Variants in RBFOX1 observed in about 807,000 individuals in gnomAD.
The protein encoded by RBFOX1 is RNA binding protein fox-1 homolog 1.
In RBFOX1, 8 loss-of-function variants were observed where a neutral mutation model predicts 57.7. That is an observed-to-expected ratio of 0.14 (90% CI 0.08 to 0.25). The LOEUF is 0.25. Ranked by LOEUF, RBFOX1 falls within the 10% of genes least tolerant of loss-of-function variation. RBFOX1 has a pLI of 1.00. For synonymous variants in RBFOX1, 326 were observed against 222.4 expected (o/e 1.47, Z -4.15); for missense variants, 611 against 548.5 (o/e 1.11, Z -1.14).
At chr16:7,118,879 G>A (rs2066494525) in intron 4 of RBFOX1, among the ~76,000 whole-genome samples, 1 of 152,126 alleles carries the variant, frequency 6.6e-6, no homozygotes, top group Admixed American at 6.6e-5. Flanking sequence ...TAGAGAACTT[G>A]CTCAGATCTC....
chr16:6,091,426 A>G (rs1392931327), intron 1 of RBFOX1, among the ~76,000 whole-genome samples: 1 of 151,644 alleles, frequency 6.6e-6, no homozygotes, highest in Non-Finnish European at 1.5e-5. Context: ...CAGATTTTTA[A>G]CTCCTTTACA....
At chr16:5,696,553 C>G (rs898370176) in intron 3 of RBFOX1, among the ~76,000 whole-genome samples, 3 of 152,252 alleles carry the variant, frequency 2.0e-5, no homozygotes, top group South Asian at 2.1e-4. Context: ...TCAAATTTAC[C>G]GCATATTTCT....
chr16:7,491,934 C>G (rs571625227), intron 4 of RBFOX1, among the ~76,000 whole-genome samples: 6 of 152,290 alleles, frequency 3.9e-5, no homozygotes, highest in African/African-American at 1.4e-4. Context: ...CCGTGTGTTC[C>G]TTTTTTGTCA....
At chr16:5,914,010 T>G (rs1379378980) in intron 4 of RBFOX1, among the ~76,000 whole-genome samples, 1 of 152,198 alleles carries the variant, frequency 6.6e-6, no homozygotes, top group Non-Finnish European at 1.5e-5. Context: ...ACTTGCAGTT[T>G]GCAGGATCAA....
intron 3 of RBFOX1, among the ~76,000 whole-genome samples, chr16:6,957,638 CT>C (rs1568078755): frequency 1.3e-5 from 2 of 152,070 alleles, no homozygotes; most frequent in East Asian, 3.9e-4. Flanking sequence ...TGACCCGTAT[CT>C]TGTGCCGACA....
At chr16:6,546,716 A>T (rs919131927) in intron 2 of RBFOX1, among the ~76,000 whole-genome samples, 2 of 152,172 alleles carry the variant, frequency 1.3e-5, no homozygotes. Flanking sequence ...ATTACCAGGT[A>T]CCTGAGGTTA....
At chr16:5,513,218 C>T (rs1009599939) in intron 2 of RBFOX1, among the ~76,000 whole-genome samples, 1 of 152,148 alleles carries the variant, frequency 6.6e-6, no homozygotes. Flanking sequence ...GGCTACTTTC[C>T]TTGTTTTTAA....
chr16:7,156,907 G>T lies in RBFOX1; in HGVS notation c.27+104809G>T, dbSNP rs183534731. ...TTTGCCCTCCAAGAAAGTTTTATCCGTTTACATTCCTATAATATATGTGAT... is the reference window on the plus strand; with the variant it reads ...TTTGCCCTCCAAGAAAGTTTTATCCTTTTACATTCCTATAATATATGTGAT... On this transcript the variant is annotated intron_variant, in intron 4 of 15. Coordinates refer to ENST00000550418, the MANE Select transcript of RBFOX1 (RefSeq NM_018723.4). Among the ~76,000 whole-genome samples the T allele has an allele frequency of 1.6e-3, 249 of 152,060 alleles. 1 individual carries two copies. Among genetic ancestry groups the T allele is most frequent in the African/African-American group, 5.7e-3 (238 of 41,488 alleles).
chr16:5,243,047 G>C (rs1324372438), intron 1 of RBFOX1, among the ~76,000 whole-genome samples: 1 of 151,682 alleles, frequency 6.6e-6, no homozygotes, highest in Non-Finnish European at 1.5e-5. Flanking sequence ...AGTTTCACTG[G>C]CTTCTTGTGT....
At position 5,361,556 on chromosome 16, in the gene RBFOX1, C is replaced by T. The variant is rs1467064108; in HGVS notation, c.220-105660C>T. On this transcript the variant is annotated intron_variant, in intron 1 of 2. Coordinates refer to the RBFOX1 transcript ENST00000585867. Reference sequence around the variant, plus strand: ...CCAGTAAGATATAAAATTGTGAGGCCGCTTGTTAGAAAGTTAAGAGTTTCA... The same window carrying T: ...CCAGTAAGATATAAAATTGTGAGGCTGCTTGTTAGAAAGTTAAGAGTTTCA... 4.6e-5 allele frequency among the ~76,000 whole-genome samples: 7 copies of T among 152,206 alleles called. No homozygotes were observed. The South Asian group carries it at 1.2e-3, about 27-fold the overall frequency.
intron 2 of RBFOX1, among the ~76,000 whole-genome samples, chr16:6,496,722 G>A (rs1426421405): frequency 6.6e-6 from 1 of 152,176 alleles, no homozygotes; most frequent in Non-Finnish European, 1.5e-5. Context: ...CACTGTGGGA[G>A]GCCAGGGTGG....
intron 4 of RBFOX1, among the ~76,000 whole-genome samples, chr16:5,922,471 C>T (rs2058845663): frequency 2.0e-5 from 3 of 152,174 alleles, no homozygotes; most frequent in African/African-American, 7.2e-5. Context: ...GCAAGGCTAA[C>T]ACACTGGAAG....
intron 1 of RBFOX1, among the ~76,000 whole-genome samples, chr16:5,299,919 G>GT (rs958964914): frequency 6.6e-6 from 1 of 151,472 alleles, no homozygotes; most frequent in Non-Finnish European, 1.5e-5. Flanking sequence ...GTTAGCTGTA[G>GT]TTTTTTTTAA....
At chr16:5,752,693 T>G (rs1255779671) in intron 3 of RBFOX1, among the ~76,000 whole-genome samples, 1 of 152,146 alleles carries the variant, frequency 6.6e-6, no homozygotes, top group Non-Finnish European at 1.5e-5. Flanking sequence ...GAGAACCCTC[T>G]TAGGAGGTGA....
chr16:5,311,232 A>G (rs530932124), intron 1 of RBFOX1, among the ~76,000 whole-genome samples: 1 of 152,298 alleles, frequency 6.6e-6, no homozygotes, highest in East Asian at 1.9e-4. Flanking sequence ...ACATACATAC[A>G]TATCACATAT....
chr16:6,197,133 A>G (rs955502380), intron 1 of RBFOX1, among the ~76,000 whole-genome samples: 6 of 152,166 alleles, frequency 3.9e-5, no homozygotes, highest in African/African-American at 1.4e-4. Flanking sequence ...AAATAGTGTC[A>G]GTTAAATGCA....
intron 1 of RBFOX1, among the ~76,000 whole-genome samples, chr16:5,253,559 G>T (rs2062509705): frequency 6.6e-6 from 1 of 152,210 alleles, no homozygotes; most frequent in South Asian, 2.1e-4. Context: ...CTTGGAGGTT[G>T]TCTACAGGCA....
chr16:5,509,209 C>T (rs1239548809), intron 2 of RBFOX1, among the ~76,000 whole-genome samples: 1 of 152,148 alleles, frequency 6.6e-6, no homozygotes, highest in African/African-American at 2.4e-5. Flanking sequence ...GGTGCAAGAG[C>T]AGGAAGTGTT....
chr16:6,547,860 A>T (rs1355500440), intron 2 of RBFOX1, among the ~76,000 whole-genome samples: 1 of 152,070 alleles, frequency 6.6e-6, no homozygotes, highest in East Asian at 1.9e-4. Context: ...TCTGGAAAGG[A>T]ATAGTATTTA....
Sources: allele counts gnomAD v4.1 joint callset (sites outside exome capture counted in the v4.1 genomes callset), GRCh38; gene constraint gnomAD v4.1.1; transcripts MANE v1.5; gene names NCBI Gene and HGNC (gene_info 2026-07-23, HGNC 2026-07-21).